Variants in ATP2C1 observed in about 807,000 individuals in gnomAD.
ATP2C1 encodes ATPase secretory pathway Ca2+ transporting 1.
In ATP2C1, 31 loss-of-function variants were observed where a neutral mutation model predicts 120.5. The observed-to-expected ratio is 0.26, with a 90% CI of 0.19 to 0.35. The LOEUF (loss-of-function observed/expected upper bound fraction) is 0.35, where lower values mean the gene tolerates loss of function less well. Ranked by LOEUF, ATP2C1 falls within the 10% of genes least tolerant of loss-of-function variation. The pLI is 1.00. For missense variants in ATP2C1, 731 were observed against 1,107.5 expected (o/e 0.66, Z 4.83); for synonymous variants, 351 against 358.7 (o/e 0.98, Z 0.24).
chr3:130,982,984 T>G (rs896535613), intron 20 of ATP2C1, among the ~76,000 whole-genome samples: 1 of 152,198 alleles, frequency 6.6e-6, no homozygotes, highest in South Asian at 2.1e-4. Flanking sequence ...GAACATTCAT[T>G]TTACATAACT....
In ATP2C1 at chr3:130,894,873, CTTAT is replaced by C. The variant is rs2069456442; in HGVS notation, c.6+106_6+109del. ...TTTTCCACCTTTTTATTTTCGTGAG[CTTAT>C]TTATTTACTGTGTATGTGAAGTGTC... On this transcript the variant is annotated intron_variant, in intron 2 of 27. Coordinates refer to ENST00000510168, the MANE Select transcript of ATP2C1 (RefSeq NM_001378687.1). The surrounding 1 kb of genome is among the most constrained non-coding windows in gnomAD (Gnocchi z 4.5). The C allele has an allele frequency of 8.7e-6, 11 of 1,269,002 alleles. No homozygotes were observed. Among genetic ancestry groups the C allele is most frequent in the African/African-American group, 1.5e-5 (1 of 67,998 alleles). The allele number at this position is 1,269,002 out of a possible 1,614,324, so 78.6% of individuals were successfully genotyped here.
At chr3:130,984,301 C>T (rs2061900046) in intron 20 of ATP2C1, among the ~76,000 whole-genome samples, 1 of 152,154 alleles carries the variant, frequency 6.6e-6, no homozygotes, top group Non-Finnish European at 1.5e-5. Context: ...TTTTTTACCA[C>T]TGCCCTTATC....
Position 130,940,673 on chromosome 3 carries a change from T to C in ATP2C1, c.404T>C (p.Val135Ala). Reference sequence around the variant, plus strand: ...TCTCTTGAAGAATTGAGTAAACTTGTGCCACCAGAATGCCATTGGTATGAT... The same window carrying C: ...TCTCTTGAAGAATTGAGTAAACTTGCGCCACCAGAATGCCATTGGTATGAT... ...EKSLEELSKL[V>A]PPECHCVREG... The change falls in exon 7 of 28, where the codon GTG becomes GCG. Residue 135 changes from valine to alanine, a missense_variant. Val to Ala is a moderately conservative substitution (Grantham distance 64, BLOSUM62 0). Transcript: ENST00000510168. 6.2e-7 allele frequency: 1 copy of C among 1,612,746 alleles called. No homozygotes were observed. The highest frequency in any genetic ancestry group is 8.5e-7 in the Non-Finnish European group (1 of 1,179,034).
chr3:130,899,289 T>C (rs2069929436), intron 2 of ATP2C1: 1 of 152,160 alleles, frequency 6.6e-6, no homozygotes, highest in Non-Finnish European at 1.5e-5. Context: ...ACTAATAGTC[T>C]CTACTGTTGC....
chr3:130,964,226 A>G lies in ATP2C1; in HGVS notation c.1024+131A>G, dbSNP rs536774478. 171 of 1,367,790 alleles carry G rather than the reference A, an allele frequency of 1.3e-4. No homozygotes were observed. In the South Asian group the frequency reaches 2.0e-3, roughly 16 times the overall value. The allele number at this position is 1,367,790 out of a possible 1,614,324, so 84.7% of individuals were successfully genotyped here. A position where few individuals can be genotyped will look rare whatever the true frequency, so the allele number is the denominator to read the frequency against. On this transcript the variant is annotated intron_variant, in intron 13 of 27. Coordinates refer to ENST00000510168, the MANE Select transcript of ATP2C1 (RefSeq NM_001378687.1). ...TGTTTGGCTTATGGCAAAATTGGAT[A>G]TGGTTTTAACAACCAAAAAAGGCAA...
At chr3:130,937,918 AC>A (rs2059739749) in intron 6 of ATP2C1, among the ~76,000 whole-genome samples, 1 of 152,260 alleles carries the variant, frequency 6.6e-6, no homozygotes, top group Admixed American at 6.5e-5. Context: ...AGAAAATTCC[AC>A]AGGTTTCTGT....
At chr3:131,006,631 GTGT>G, downstream of ATP2C1, among the ~76,000 whole-genome samples, 1 of 61,580 alleles carries the variant, frequency 1.6e-5, no homozygotes, top group South Asian at 6.6e-4. Flanking sequence ...TTTCTAGTGT[GTGT>G]TTGTGTGTGT....
chr3:130,935,500 T>C lies in ATP2C1; in HGVS notation c.324+789T>C, dbSNP rs1273565864. On this transcript the variant is annotated intron_variant, in intron 5 of 27. Coordinates refer to ENST00000510168, the MANE Select transcript of ATP2C1 (RefSeq NM_001378687.1). ...AAAAATTTGTAGCAAGTAAAAGCAC[T>C]TATGCTTAAGAACACTGTAGATGTT... Among the ~76,000 whole-genome samples the C allele has an allele frequency of 2.0e-5, 3 of 152,250 alleles. No homozygotes were observed. The East Asian group carries it at 5.8e-4, about 29-fold the overall frequency.
intron 1 of ATP2C1, among the ~76,000 whole-genome samples, chr3:130,851,323 A>G (rs2067668639): frequency 6.6e-6 from 1 of 152,258 alleles, no homozygotes; most frequent in Admixed American, 6.5e-5. Flanking sequence ...TTATGTTTAC[A>G]TAGCCAGAAT....
chr3:130,887,607 C>T (rs1337641985), intron 1 of ATP2C1, among the ~76,000 whole-genome samples: 1 of 152,206 alleles, frequency 6.6e-6, no homozygotes, highest in African/African-American at 2.4e-5. Flanking sequence ...CCTGTGGCAA[C>T]CACTATCACT....
chr3:130,942,713 A>G (rs2059976505), intron 8 of ATP2C1, among the ~76,000 whole-genome samples: 1 of 152,210 alleles, frequency 6.6e-6, no homozygotes, highest in African/African-American at 2.4e-5. Context: ...TAATATTGCA[A>G]GTGTTACTAA....
chr3:131,003,534 G>C (rs115188507), downstream of ATP2C1, among the ~76,000 whole-genome samples: 1,136 of 152,284 alleles, frequency 7.5e-3, 18 homozygotes, highest in African/African-American at 0.026. Flanking sequence ...CACTGATTAG[G>C]TAAACAGTTC....
At chr3:130,907,488 A>T (rs753584544) in intron 2 of ATP2C1, among the ~76,000 whole-genome samples, 7 of 152,084 alleles carry the variant, frequency 4.6e-5, no homozygotes, top group Admixed American at 1.3e-4. Context: ...TTTTGCATAG[A>T]ATATCCAGTT....
intron 2 of ATP2C1, among the ~76,000 whole-genome samples, chr3:130,925,774 T>G (rs1489816896): frequency 7.0e-6 from 1 of 142,948 alleles, no homozygotes. Context: ...AGCCTCTCCT[T>G]GGGTGAGCTT....
chr3:130,899,111 T>A (rs1377798173), intron 2 of ATP2C1, among the ~76,000 whole-genome samples: 1 of 151,992 alleles, frequency 6.6e-6, no homozygotes, highest in Non-Finnish European at 1.5e-5. Context: ...AAAGAAAGGA[T>A]CTCTCAAAAA....
downstream of ATP2C1, among the ~76,000 whole-genome samples, chr3:131,006,649 GT>G (rs1445442043): frequency 1.4e-5 from 2 of 145,184 alleles, no homozygotes; most frequent in Admixed American, 7.3e-5. Flanking sequence ...GTGTGTGTGT[GT>G]GTGTGTGTGT....
chr3:130,870,844 C>A (rs1323654553), intron 1 of ATP2C1, among the ~76,000 whole-genome samples: 1 of 152,196 alleles, frequency 6.6e-6, no homozygotes, highest in Admixed American at 6.5e-5. Context: ...AGAGGTTCTA[C>A]TATGCTACTA....
chr3:130,872,206 C>T (rs939950453), intron 1 of ATP2C1, among the ~76,000 whole-genome samples: 1 of 152,094 alleles, frequency 6.6e-6, no homozygotes, highest in Non-Finnish European at 1.5e-5. Context: ...GTCCTGCATA[C>T]TTTCTAAAGC....
intron 17 of ATP2C1, among the ~76,000 whole-genome samples, chr3:130,973,307 T>G (rs1323473295): frequency 6.6e-6 from 1 of 152,044 alleles, no homozygotes; most frequent in Non-Finnish European, 1.5e-5. Context: ...GACCCATAAT[T>G]AAGAAATTTG....
Sources: allele counts gnomAD v4.1 joint callset (sites outside exome capture counted in the v4.1 genomes callset), GRCh38; gene constraint gnomAD v4.1.1; non-coding constraint Gnocchi (gnomAD v3.1); transcripts MANE v1.5; gene names NCBI Gene and HGNC (gene_info 2026-07-23, HGNC 2026-07-21).